PDZD8: variants seen among roughly 807,000 people sequenced by gnomAD.
PDZD8 encodes PDZ domain-containing protein 8.
A neutral mutation model predicts 85.8 loss-of-function variants in PDZD8; 14 were observed. The observed-to-expected ratio is 0.16, with a 90% CI of 0.11 to 0.26. The LOEUF is 0.26. Ranked by LOEUF, PDZD8 falls within the 10% of genes least tolerant of loss-of-function variation. The pLI, the probability that PDZD8 is intolerant of heterozygous loss-of-function variation, is 1.00. For synonymous variants in PDZD8, 592 were observed against 568.6 expected, an observed-to-expected ratio of 1.04 and a Z score of -0.59; for missense variants, 1,197 against 1,424.3, an observed-to-expected ratio of 0.84 and a Z score of 2.57.
At chr10:117,314,964 G>A (rs569433796) in intron 3 of PDZD8, among the ~76,000 whole-genome samples, 1 of 152,300 alleles carries the variant, frequency 6.6e-6, no homozygotes, top group African/African-American at 2.4e-5. Flanking sequence ...ATCAGAAAAT[G>A]TACATAAACG....
intron 3 of PDZD8, among the ~76,000 whole-genome samples, chr10:117,315,264 G>C (rs1844103493): frequency 6.6e-6 from 1 of 152,128 alleles, no homozygotes; most frequent in Non-Finnish European, 1.5e-5. Flanking sequence ...AATAGGAAGA[G>C]AGAGGGAAAG....
At position 117,374,436 on chromosome 10, in the gene PDZD8, C is replaced by A; in HGVS notation, c.792G>T (p.Met264Ile). ...TGACGATGATGGAGGTGAGCTGGGG[C>A]ATGGGCCGCCCTTCAAACTGGGAGC... ...EVRSQFEGRP[M>I]PQLTSIIVNQ... Residue 264 changes from methionine (M) to isoleucine (I), a missense_variant, in exon 1 of 5, where the codon ATG becomes ATT. Coordinates refer to ENST00000334464, the MANE Select transcript of PDZD8 (RefSeq NM_173791.5). This position sits in a 1 kb window ranked among gnomAD's most constrained non-coding sequence, Gnocchi z 7.8. 1 of 1,614,236 alleles carries A rather than the reference C, an allele frequency of 6.2e-7. No individual in the cohort carries two copies.
At position 117,284,434 on chromosome 10, in the gene PDZD8, T is replaced by C. The variant is rs1003696005; in HGVS notation, c.2299A>G (p.Thr767Ala). 6.2e-7 allele frequency: 1 copy of C among 1,614,202 alleles called. No homozygotes were observed. The highest frequency in any genetic ancestry group is 2.2e-5 in the East Asian group (1 of 44,892). ...LEAPSPKAIV[T>A]RTALRNLSMQ... ...CTCAGATTGCGTAGTGCGGTTCTAGTGACTATAGCCTTAGGTGAGGGGGCT... is the reference window on the plus strand; with the variant it reads ...CTCAGATTGCGTAGTGCGGTTCTAGCGACTATAGCCTTAGGTGAGGGGGCT... Residue 767 changes from threonine to alanine, a missense_variant, in exon 5 of 5, where the codon ACT (threonine) becomes GCT (alanine). This residue lies in a region of PDZD8 where 418 missense variants were observed against 571.1 expected (regional missense o/e 0.73). Transcript: ENST00000334464.
At chr10:117,339,128 CAAAAAAAAAAAAAA>C (rs71013660) in intron 2 of PDZD8, among the ~76,000 whole-genome samples, 4 of 129,398 alleles carry the variant, frequency 3.1e-5, no homozygotes, top group African/African-American at 1.2e-4. Context: ...TGGACTTAAC[CAAAAAAAAAAAAAA>C]AAAAAAAAAA....
chr10:117,285,053 A>T lies in PDZD8; in HGVS notation c.1680T>A (p.Asp560Glu). Residue 560 changes from aspartate to glutamate, a missense_variant, in exon 5 of 5, where the codon GAT becomes GAA. Around this residue, in one of 4 missense-constraint regions of PDZD8, gnomAD observed 263 missense variants for 261.9 expected, o/e 1.00. Coordinates refer to ENST00000334464, the MANE Select transcript of PDZD8 (RefSeq NM_173791.5). Reference sequence around the variant, plus strand: ...TTTTTAGGGGTGGAGGTTTATTTCCATCTTTGGACTGAATTTTCGGTGGTA... The same window carrying T: ...TTTTTAGGGGTGGAGGTTTATTTCCTTCTTTGGACTGAATTTTCGGTGGTA... ...HPLPPKIQSK[D>E]GNKPPPLKTS... is the part of the protein sequence containing the mutation. 1 of 1,613,706 alleles carries T rather than the reference A, an allele frequency of 6.2e-7. No homozygotes were observed. Among genetic ancestry groups the T allele is most frequent in the Non-Finnish European group, 8.5e-7 (1 of 1,179,778 alleles).
At position 117,283,801 on chromosome 10, in the gene PDZD8, C is replaced by T. The variant is rs1280760918; in HGVS notation, c.2932G>A (p.Glu978Lys). The T allele has an allele frequency of 6.2e-7, 1 of 1,614,074 alleles. No homozygotes were observed. The highest frequency in any genetic ancestry group is 8.5e-7 in the Non-Finnish European group (1 of 1,180,046). Residue 978 changes from glutamate (E) to lysine (K), a missense_variant, in exon 5 of 5, where the codon GAA (glutamate) becomes AAA (lysine). Coordinates refer to ENST00000334464, the MANE Select transcript of PDZD8 (RefSeq NM_173791.5). ...CCACAGACCTCCGTGTCACTGCCTT[C>T]GTTGTCTGACGTGTTGGGTGTGTGT... ...PKHTPNTSDN[E>K]GSDTEVCGPN...
At chr10:117,304,606 C>G (rs1589553230) in intron 3 of PDZD8, among the ~76,000 whole-genome samples, 2 of 152,154 alleles carry the variant, frequency 1.3e-5, no homozygotes. Context: ...TGAATTGTAT[C>G]TCCAAGAATT....
chr10:117,310,381 T>C (rs1312448057), intron 3 of PDZD8, among the ~76,000 whole-genome samples: 1 of 152,226 alleles, frequency 6.6e-6, no homozygotes, highest in East Asian at 1.9e-4. Flanking sequence ...GGAAAGATGA[T>C]ACAATGCCTT....
chr10:117,296,956 TG>T (rs768171509), intron 3 of PDZD8, among the ~76,000 whole-genome samples: 6 of 152,104 alleles, frequency 3.9e-5, no homozygotes, highest in Non-Finnish European at 8.8e-5. Context: ...ATAAAATTAA[TG>T]ACTTTTGCTC....
intron 1 of PDZD8, among the ~76,000 whole-genome samples, chr10:117,369,466 TC>T (rs1313440074): frequency 6.6e-6 from 1 of 152,142 alleles, no homozygotes; most frequent in Non-Finnish European, 1.5e-5. Flanking sequence ...GCCAACAATG[TC>T]TTTTAAAAAA....
At chr10:117,314,471 G>T (rs1057217043) in intron 3 of PDZD8, among the ~76,000 whole-genome samples, 7 of 152,262 alleles carry the variant, frequency 4.6e-5, no homozygotes, top group Admixed American at 3.3e-4. Context: ...CACTCAGAAA[G>T]AATATACTGT....
chr10:117,293,287 A>G (rs1844800678), intron 3 of PDZD8, among the ~76,000 whole-genome samples: 1 of 152,068 alleles, frequency 6.6e-6, no homozygotes, highest in Admixed American at 6.6e-5. Flanking sequence ...ATATCTTAAA[A>G]TTATTTATGA....
chr10:117,291,125 C>G (rs1239654006), intron 3 of PDZD8, among the ~76,000 whole-genome samples: 1 of 151,894 alleles, frequency 6.6e-6, no homozygotes. Flanking sequence ...CCGCCCACCT[C>G]AGCCTCCCAA....
At position 117,281,807 on chromosome 10, in the gene PDZD8, C is replaced by T. The variant is rs934356612; in HGVS notation, c.*1461G>A. 1.3e-5 allele frequency: 2 copies of T among 152,196 alleles called. No homozygotes were observed. The highest frequency in any genetic ancestry group is 1.3e-4 in the Admixed American group (2 of 15,278). 9.4% of individuals were successfully genotyped at this position (152,196 alleles called of 1,614,324 possible). A position where few individuals can be genotyped will look rare whatever the true frequency, so the allele number is the denominator to read the frequency against. Reference sequence around the variant, plus strand: ...CTGGGCCCCAGTCCTTAATATTACACCATGCTTTTTCCTGCCAGCAATAAA... The same window carrying T: ...CTGGGCCCCAGTCCTTAATATTACATCATGCTTTTTCCTGCCAGCAATAAA... On this transcript the variant is annotated 3_prime_UTR_variant, in exon 5 of 5. Coordinates refer to ENST00000334464, the MANE Select transcript of PDZD8 (RefSeq NM_173791.5).
chr10:117,351,712 G>C (rs1208417004), intron 1 of PDZD8, among the ~76,000 whole-genome samples: 1 of 151,976 alleles, frequency 6.6e-6, no homozygotes. Context: ...TTTGAAGACA[G>C]GGTCTTACTC....
intron 1 of PDZD8, among the ~76,000 whole-genome samples, chr10:117,361,634 G>C (rs1489966321): frequency 6.6e-6 from 1 of 152,088 alleles, no homozygotes; most frequent in Non-Finnish European, 1.5e-5. Context: ...TTATCAAACA[G>C]ACAAAAATTC....
At chr10:117,304,431 G>A (rs776219289) in intron 3 of PDZD8, among the ~76,000 whole-genome samples, 2 of 152,156 alleles carry the variant, frequency 1.3e-5, no homozygotes, top group Non-Finnish European at 2.9e-5. Flanking sequence ...CCTTGTCTCA[G>A]ATGAGACTTT....
chr10:117,315,638 T>C (rs927717432), intron 3 of PDZD8, among the ~76,000 whole-genome samples: 1 of 139,198 alleles, frequency 7.2e-6, no homozygotes, highest in Admixed American at 7.1e-5. Flanking sequence ...TGTCTGGAAC[T>C]AGGGGTAAAG....
At chr10:117,319,392 AACACACACACACACAC>A (rs199983551) in intron 2 of PDZD8, among the ~76,000 whole-genome samples, 1 of 101,720 alleles carries the variant, frequency 9.8e-6, no homozygotes, top group African/African-American at 3.1e-5. Context: ...ATTGCTCATA[AACACACACACACACAC>A]ACACACACAC....
Sources: allele counts gnomAD v4.1 joint callset (sites outside exome capture counted in the v4.1 genomes callset), GRCh38; gene constraint gnomAD v4.1.1; regional missense constraint gnomAD v4.1.1; non-coding constraint Gnocchi (gnomAD v3.1); transcripts MANE v1.5; gene names NCBI Gene and HGNC (gene_info 2026-07-23, HGNC 2026-07-21).